Variants in FRMD6 observed in about 807,000 individuals in gnomAD.
FRMD6 encodes FERM domain-containing protein 6.
A neutral mutation model predicts 73.2 loss-of-function variants in FRMD6; 37 were observed. That is an observed-to-expected ratio of 0.51 (90% confidence interval 0.39 to 0.66). The LOEUF (loss-of-function observed/expected upper bound fraction) is 0.66. Ranked by LOEUF, FRMD6 falls within the 30% of genes least tolerant of loss-of-function variation. FRMD6 has a pLI of 0.00. For synonymous variants in FRMD6, 273 were observed against 282.2 expected (o/e 0.97, Z 0.33); for missense variants, 714 against 780.5 (o/e 0.91, Z 1.02).
chr14:51,718,544 A>G (rs1312826701), intron 10 of FRMD6, among the ~76,000 whole-genome samples: 1 of 152,248 alleles, frequency 6.6e-6, no homozygotes, highest in Non-Finnish European at 1.5e-5. Context: ...AATAAAAACT[A>G]CAGTAATTTT....
chr14:51,640,694 TAAG>T (rs1220389906), intron 2 of FRMD6, among the ~76,000 whole-genome samples: 2 of 152,210 alleles, frequency 1.3e-5, no homozygotes, highest in Non-Finnish European at 2.9e-5. Context: ...AGTATAAAAA[TAAG>T]AAAATGGCTT....
the FRMD6 span, among the ~76,000 whole-genome samples, chr14:51,455,801 A>G: frequency 6.6e-6 from 1 of 152,150 alleles, no homozygotes; most frequent in Non-Finnish European, 1.5e-5. Context: ...CAGTAAAGGG[A>G]GAGGTAAGGG....
At chr14:51,417,210 T>G in the FRMD6 span, among the ~76,000 whole-genome samples, 1 of 152,210 alleles carries the variant, frequency 6.6e-6, no homozygotes, top group East Asian at 1.9e-4. Context: ...GTTAGCTGGT[T>G]ATTTTGCCTG....
intron 1 of FRMD6, chr14:51,570,290 T>TA (rs1451443104): frequency 6.6e-6 from 1 of 152,240 alleles, no homozygotes; most frequent in Non-Finnish European, 1.5e-5. Flanking sequence ...ATGCTAATTA[T>TA]AAAAATAGAG....
the FRMD6 span, among the ~76,000 whole-genome samples, chr14:51,481,671 G>A: frequency 2.6e-5 from 4 of 152,170 alleles, no homozygotes; most frequent in Non-Finnish European, 4.4e-5. Flanking sequence ...TATTATTATC[G>A]TTCTTACACT....
chr14:51,686,108 T>C (rs914387350), intron 1 of FRMD6, among the ~76,000 whole-genome samples: 3 of 152,128 alleles, frequency 2.0e-5, no homozygotes, highest in Non-Finnish European at 4.4e-5. Flanking sequence ...ACATTCAATA[T>C]GAGACTATAT....
intron 2 of FRMD6, among the ~76,000 whole-genome samples, chr14:51,578,645 G>GT (rs1888535339): frequency 6.6e-6 from 1 of 152,062 alleles, no homozygotes; most frequent in African/African-American, 2.4e-5. Context: ...GTTGAATGAT[G>GT]TTTTTTGTGC....
At chr14:51,576,040 C>G (rs1888385851) in intron 2 of FRMD6, 1 of 152,304 alleles carries the variant, frequency 6.6e-6, no homozygotes, top group Non-Finnish European at 1.5e-5. Flanking sequence ...GAGAGGGTCG[C>G]AGACCTGAGG....
At chr14:51,469,055 C>T in the FRMD6 span, among the ~76,000 whole-genome samples, 1 of 151,870 alleles carries the variant, frequency 6.6e-6, no homozygotes, top group Non-Finnish European at 1.5e-5. Context: ...ATTCTCCTGC[C>T]TCAGCCTCCC....
chr14:51,452,143 G>A, the FRMD6 span, among the ~76,000 whole-genome samples: 1 of 152,320 alleles, frequency 6.6e-6, no homozygotes, highest in Non-Finnish European at 1.5e-5. Flanking sequence ...AGCAAAACTG[G>A]CAAGAGATGA....
chr14:51,653,076 G>A (rs1377523302), intron 1 of FRMD6, among the ~76,000 whole-genome samples: 1 of 152,008 alleles, frequency 6.6e-6, no homozygotes, highest in African/African-American at 2.4e-5. Flanking sequence ...TTTCCCTCAG[G>A]AGCTGTGCAT....
chr14:51,665,391 C>T (rs1224482185), intron 1 of FRMD6, among the ~76,000 whole-genome samples: 1 of 152,130 alleles, frequency 6.6e-6, no homozygotes, highest in Non-Finnish European at 1.5e-5. Context: ...GTTTGCTAAC[C>T]TTGTGTTTAG....
intron 2 of FRMD6, among the ~76,000 whole-genome samples, chr14:51,587,909 A>G (rs899338885): frequency 3.3e-5 from 5 of 151,968 alleles, no homozygotes; most frequent in Non-Finnish European, 2.9e-5. Flanking sequence ...TAGAACAAGA[A>G]AAAGTTTAGG....
the FRMD6 span, among the ~76,000 whole-genome samples, chr14:51,429,423 GAT>G: frequency 1.7e-3 from 125 of 71,568 alleles, 1 homozygote; most frequent in African/African-American, 8.0e-3. Context: ...TAGTCATGAA[GAT>G]TTTTTTTTGT....
At chr14:51,445,976 G>A in the FRMD6 span, among the ~76,000 whole-genome samples, 4 of 152,218 alleles carry the variant, frequency 2.6e-5, no homozygotes, top group East Asian at 1.9e-4. Flanking sequence ...CACTATCTCC[G>A]TTTCACAAAT....
chr14:51,641,041 G>A (rs1304675272), intron 2 of FRMD6, among the ~76,000 whole-genome samples: 2 of 151,932 alleles, frequency 1.3e-5, no homozygotes, highest in African/African-American at 4.8e-5. Context: ...CACGATCTCA[G>A]CTCACTGCAA....
At chr14:51,541,145 A>C (rs1338827973) in intron 1 of FRMD6, among the ~76,000 whole-genome samples, 1 of 152,116 alleles carries the variant, frequency 6.6e-6, no homozygotes, top group African/African-American at 2.4e-5. Context: ...GCAAGTTTCC[A>C]GTTGCTTCCT....
intron 2 of FRMD6, among the ~76,000 whole-genome samples, chr14:51,581,684 A>T (rs1888733232): frequency 6.6e-6 from 1 of 152,180 alleles, no homozygotes; most frequent in Non-Finnish European, 1.5e-5. Flanking sequence ...AGCTCAGTTG[A>T]TTTTCTCCAG....
chr14:51,529,260 C>T (rs1311153808), intron 1 of FRMD6, among the ~76,000 whole-genome samples: 2 of 152,218 alleles, frequency 1.3e-5, no homozygotes, highest in African/African-American at 4.8e-5. Flanking sequence ...TGGCCTTGGG[C>T]CAGTTTCTTA....
Sources: allele counts gnomAD v4.1 joint callset (sites outside exome capture counted in the v4.1 genomes callset), GRCh38; gene constraint gnomAD v4.1.1; transcripts MANE v1.5; gene names NCBI Gene and HGNC (gene_info 2026-07-23, HGNC 2026-07-21).